Variants in CACNA1A observed in about 807,000 individuals in gnomAD.
The protein encoded by CACNA1A is calcium voltage-gated channel subunit alpha1 A.
A neutral mutation model predicts 262.4 loss-of-function variants in CACNA1A; 57 were observed. The observed-to-expected ratio is 0.22, with a 90% confidence interval of 0.18 to 0.27. CACNA1A has a LOEUF of 0.27. Ranked by LOEUF, CACNA1A falls within the 10% of genes least tolerant of loss-of-function variation. The probability of loss-of-function intolerance (pLI) is 1.00; values close to 1 mark genes in which losing one functional copy is unlikely to be tolerated. For missense variants in CACNA1A, 2,526 were observed against 3,562.8 expected, an observed-to-expected ratio of 0.71 and a Z score of 7.41; for synonymous variants, 1,431 against 1,419.3, an observed-to-expected ratio of 1.01 and a Z score of -0.18.
At chr19:13,387,510 C>T (rs1436668664) in intron 3 of CACNA1A, among the ~76,000 whole-genome samples, 1 of 152,144 alleles carries the variant, frequency 6.6e-6, no homozygotes, top group African/African-American at 2.4e-5. Context: ...ACCCATTCTA[C>T]CATGCTGCTC....
At chr19:13,276,709 T>C (rs1308267279) in intron 23 of CACNA1A, among the ~76,000 whole-genome samples, 1 of 141,026 alleles carries the variant, frequency 7.1e-6, no homozygotes, top group Non-Finnish European at 1.5e-5. Context: ...TTTTTTTTTT[T>C]TTTTTTTTGA....
rs777316026 is a variant in CACNA1A, at chr19:13,371,758, C to G, written c.561G>C (p.Thr187=). ...VLTGILATVG[T]EFDLRTLRAV... is the part of the protein sequence containing the mutation. Reference sequence around the variant, plus strand: ...CCCTCAGCGTCCGTAGGTCAAACTCCGTCCCAACTGTCGCCAAGATGCTGA... The same window carrying G: ...CCCTCAGCGTCCGTAGGTCAAACTCGGTCCCAACTGTCGCCAAGATGCTGA... The change falls in exon 4 of 47, where the codon ACG becomes ACC. Residue 187 remains threonine, a synonymous_variant. Coordinates refer to ENST00000360228, the MANE Select transcript of CACNA1A (RefSeq NM_001127222.2). 1.9e-6 allele frequency: 3 copies of G among 1,576,082 alleles called. No homozygotes were observed. The South Asian group carries it at 3.5e-5, about 18-fold the overall frequency.
intron 3 of CACNA1A, chr19:13,450,880 GT>G (rs1422199329): frequency 2.0e-5 from 3 of 152,042 alleles, no homozygotes; most frequent in Non-Finnish European, 4.4e-5. Context: ...GCTCAGGCTC[GT>G]CTCAAACTCC....
At chr19:13,327,527 AAAAAAAATT>A (rs1237683461) in intron 10 of CACNA1A, among the ~76,000 whole-genome samples, 1 of 150,526 alleles carries the variant, frequency 6.6e-6, no homozygotes, top group Non-Finnish European at 1.5e-5. Flanking sequence ...CAGAAAAAAA[AAAAAAAATT>A]AAAAAAATTA....
intron 30 of CACNA1A, among the ~76,000 whole-genome samples, chr19:13,247,741 T>A (rs141265174): frequency 3.3e-5 from 5 of 151,634 alleles, no homozygotes; most frequent in South Asian, 2.1e-4. Flanking sequence ...AATAAATAAA[T>A]AAAAAGGAAT....
chr19:13,306,926 T>A (rs191380980), intron 15 of CACNA1A, among the ~76,000 whole-genome samples: 3 of 152,140 alleles, frequency 2.0e-5, no homozygotes, highest in African/African-American at 7.2e-5. Context: ...TGGTCCTGCA[T>A]GGTGTGCTCC....
At chr19:13,483,563 C>A (rs1048190578) in intron 1 of CACNA1A, among the ~76,000 whole-genome samples, 1 of 152,136 alleles carries the variant, frequency 6.6e-6, no homozygotes, top group African/African-American at 2.4e-5. Flanking sequence ...AAAGCATTTG[C>A]TGAAAATTCC....
intron 3 of CACNA1A, among the ~76,000 whole-genome samples, chr19:13,447,771 G>A (rs1446843129): frequency 6.6e-6 from 1 of 152,162 alleles, no homozygotes; most frequent in Non-Finnish European, 1.5e-5. Context: ...TAGAGGGCAG[G>A]AAGCATTCAG....
chr19:13,417,661 G>A (rs904404022), intron 3 of CACNA1A, among the ~76,000 whole-genome samples: 1 of 152,108 alleles, frequency 6.6e-6, no homozygotes, highest in Non-Finnish European at 1.5e-5. Context: ...GACCGAGGCG[G>A]GTGGATCACA....
intron 3 of CACNA1A, among the ~76,000 whole-genome samples, chr19:13,381,102 C>T (rs1238541153): frequency 1.3e-5 from 2 of 152,110 alleles, no homozygotes; most frequent in Non-Finnish European, 2.9e-5. Flanking sequence ...GATCGTAGAC[C>T]TGCTGGGCAC....
Position 13,241,619 on chromosome 19 carries a change from G to T in CACNA1A, c.4950+3563C>A. 1 of 730,592 alleles carries T rather than the reference G, an allele frequency of 1.4e-6. No individual in the cohort carries two copies. The highest frequency in any genetic ancestry group is 2.3e-6 in the Non-Finnish European group (1 of 426,430). The allele number at this position is 730,592 out of a possible 1,614,324, so 45.3% of individuals were successfully genotyped here. ...TTTTTTAGGTTGATTTGTAACCAGTGCCAAAAAACCAATGGGTTTCGGTTC... is the reference window on the plus strand; with the variant it reads ...TTTTTTAGGTTGATTTGTAACCAGTTCCAAAAAACCAATGGGTTTCGGTTC... On this transcript the variant is annotated intron_variant, in intron 31 of 46. Transcript: ENST00000360228. The surrounding 1 kb of genome is among the most constrained non-coding windows in gnomAD (Gnocchi z 4.0).
chr19:13,340,762 G>A (rs1002718810), intron 6 of CACNA1A, among the ~76,000 whole-genome samples: 1 of 152,112 alleles, frequency 6.6e-6, no homozygotes, highest in Non-Finnish European at 1.5e-5. Context: ...TTCTGTTGTG[G>A]GTTGCAGTGG....
At chr19:13,497,502 AAAAAAAAAAAAAAAAAAAAATATAT>A (rs1981694240) in intron 1 of CACNA1A, among the ~76,000 whole-genome samples, 12 of 37,294 alleles carry the variant, frequency 3.2e-4, no homozygotes, top group Non-Finnish European at 4.2e-4. Context: ...AAAAAAAAAA[AAAAAAAAAAAAAAAAAAAAATATAT>A]ATATATATAT....
chr19:13,275,688 A>T, intron 24 of CACNA1A, 162 bp downstream of exon 24: 1 of 647,038 alleles, frequency 1.5e-6, no homozygotes, highest in Non-Finnish European at 2.8e-6. Context: ...TCATGCAAAA[A>T]GCCATCGAAG....
At chr19:13,287,050 T>C (rs543119387) in intron 19 of CACNA1A, 84 bp from the exon 20 acceptor site, 39 of 1,167,332 alleles carry the variant, frequency 3.3e-5, no homozygotes, top group Middle Eastern at 2.8e-4. Context: ...TAAGATTCCA[T>C]CTTTCAAGAG....
intron 3 of CACNA1A, among the ~76,000 whole-genome samples, chr19:13,431,081 G>A (rs984446460): frequency 1.3e-5 from 2 of 152,006 alleles, no homozygotes; most frequent in African/African-American, 2.4e-5. Context: ...CAGGGGCAGA[G>A]TTTGTGGGTC....
At chr19:13,334,156 T>C (rs2058516503) in intron 8 of CACNA1A, 2 of 522,096 alleles carry the variant, frequency 3.8e-6, no homozygotes, top group Admixed American at 6.5e-5. Flanking sequence ...CAGCGTCTGA[T>C]TTCAGAATTC....
intron 6 of CACNA1A, among the ~76,000 whole-genome samples, chr19:13,359,006 T>C (rs2059055455): frequency 6.6e-6 from 1 of 152,328 alleles, no homozygotes; most frequent in Non-Finnish European, 1.5e-5. Flanking sequence ...ACATTTGTGT[T>C]AACAGCCACC....
chr19:13,362,122 G>C (rs1050733980), intron 5 of CACNA1A: 1 of 150,744 alleles, frequency 6.6e-6, no homozygotes, highest in Non-Finnish European at 1.5e-5. Flanking sequence ...TCCAATTCCT[G>C]GGCTCAAGTG....
Sources: allele counts gnomAD v4.1 joint callset (sites outside exome capture counted in the v4.1 genomes callset), GRCh38; gene constraint gnomAD v4.1.1; non-coding constraint Gnocchi (gnomAD v3.1); transcripts MANE v1.5; gene names NCBI Gene and HGNC (gene_info 2026-07-23, HGNC 2026-07-21).